SYK: variants seen among roughly 807,000 people sequenced by gnomAD.
The protein encoded by SYK is tyrosine-protein kinase SYK.
In SYK, 16 loss-of-function variants were observed where a neutral mutation model predicts 77.8. That is an observed-to-expected ratio of 0.21 (90% CI 0.14 to 0.31). The LOEUF is 0.31. Among genes scored for constraint, SYK ranks in the 10% least tolerant of loss-of-function variants. The pLI is 1.00. For missense variants in SYK, 529 were observed against 814.4 expected, an observed-to-expected ratio of 0.65 and a Z score of 4.26; for synonymous variants, 312 against 308.7, an observed-to-expected ratio of 1.01 and a Z score of -0.11.
intron 3 of SYK, among the ~76,000 whole-genome samples, chr9:90,851,564 G>C (rs932090976): frequency 6.6e-6 from 1 of 152,102 alleles, no homozygotes; most frequent in African/African-American, 2.4e-5. Context: ...GAGCACTGGA[G>C]GGGGAGTCCT....
intron 5 of SYK, 69 bp downstream of exon 5, chr9:90,864,736 A>G: frequency 7.2e-7 from 1 of 1,396,312 alleles, no homozygotes; most frequent in Non-Finnish European, 1.0e-6. Flanking sequence ...TTTTAGACTT[A>G]GCTGATTGCA....
chr9:90,848,764 T>C (rs1826695748), intron 3 of SYK, among the ~76,000 whole-genome samples: 1 of 152,260 alleles, frequency 6.6e-6, no homozygotes, highest in Non-Finnish European at 1.5e-5. Context: ...AGCAAGCACC[T>C]GCCCTCATGG....
chr9:90,877,658 C>T lies in SYK; in HGVS notation c.1269C>T (p.Val423=), dbSNP rs200930117. The T allele has an allele frequency of 8.7e-6, 14 of 1,614,238 alleles. No homozygotes were observed. The highest frequency in any genetic ancestry group is 1.2e-5 in the Non-Finnish European group (14 of 1,180,046). ...ATGAGTTATTAGCAGAAGCAAATGT[C>T]ATGCAGCAGCTGGACAACCCGTACA... ...LKDELLAEAN[V]MQQLDNPYIV... is the part of the protein sequence containing the mutation. Residue 423 remains valine (V), a synonymous_variant, in exon 10 of 14, where the codon GTC becomes GTT. Transcript: ENST00000375754.
chr9:90,873,861 A>G (rs918239829), intron 7 of SYK, among the ~76,000 whole-genome samples: 1 of 152,228 alleles, frequency 6.6e-6, no homozygotes, highest in Non-Finnish European at 1.5e-5. Flanking sequence ...GAACATGCAA[A>G]TCATCAGCGA....
chr9:90,828,783 T>A (rs1381072966), intron 1 of SYK, among the ~76,000 whole-genome samples: 2 of 152,146 alleles, frequency 1.3e-5, no homozygotes, highest in Non-Finnish European at 2.9e-5. Context: ...TGCAGAGATG[T>A]CTCCCAGGTT....
intron 1 of SYK, among the ~76,000 whole-genome samples, chr9:90,834,028 T>C (rs1350068634): frequency 1.3e-5 from 2 of 152,186 alleles, no homozygotes; most frequent in Admixed American, 1.3e-4. Context: ...CCGTTCTAGA[T>C]TTAACTCCTC....
In SYK at chr9:90,823,277, T is replaced by C. The variant is rs745365406; in HGVS notation, c.-41-20581T>C. ...TATGCAAGACAAACACTGGTAAGACTGAAAGGAGAAGTAGACAAATCCTGT... is the reference window on the plus strand; with the variant it reads ...TATGCAAGACAAACACTGGTAAGACCGAAAGGAGAAGTAGACAAATCCTGT... On this transcript the variant is annotated intron_variant, in intron 1 of 13. Coordinates refer to ENST00000375754, the MANE Select transcript of SYK (RefSeq NM_003177.7). Among the ~76,000 whole-genome samples, 80 of 152,324 alleles carry C rather than the reference T, an allele frequency of 5.3e-4. 2 individuals are homozygous for C. The Middle Eastern group carries it at 0.017, about 32-fold the overall frequency.
At chr9:90,822,039 G>T (rs948511792) in intron 1 of SYK, among the ~76,000 whole-genome samples, 10 of 151,956 alleles carry the variant, frequency 6.6e-5, no homozygotes, top group African/African-American at 2.4e-4. Context: ...TATGGTGACG[G>T]CAGGCTCTCA....
At chr9:90,833,754 C>A (rs564918308) in intron 1 of SYK, among the ~76,000 whole-genome samples, 9 of 152,294 alleles carry the variant, frequency 5.9e-5, no homozygotes, top group Admixed American at 4.6e-4. Context: ...CAACTAAATG[C>A]ATTTTAAAGG....
intron 1 of SYK, among the ~76,000 whole-genome samples, chr9:90,840,924 C>T (rs1826285887): frequency 6.6e-6 from 1 of 152,222 alleles, no homozygotes. Context: ...CAGGCTGATG[C>T]TCTTACATTT....
chr9:90,851,034 C>T (rs537135297), intron 3 of SYK, among the ~76,000 whole-genome samples: 1 of 152,288 alleles, frequency 6.6e-6, no homozygotes, highest in East Asian at 1.9e-4. Flanking sequence ...TACACCTGAG[C>T]TAGAGGGCAT....
At chr9:90,821,796 T>C (rs1825528027) in intron 1 of SYK, among the ~76,000 whole-genome samples, 1 of 152,222 alleles carries the variant, frequency 6.6e-6, no homozygotes, top group Non-Finnish European at 1.5e-5. Flanking sequence ...GTGGTGACTT[T>C]GCTGTTTAGA....
At chr9:90,809,059 A>G (rs3789889) in intron 1 of SYK, among the ~76,000 whole-genome samples, 54,166 of 152,136 alleles carry the variant, frequency 0.36, 9,795 homozygotes, top group Middle Eastern at 0.5. Context: ...CTTTTGGTTA[A>G]CAACACCAAT....
intron 13 of SYK, among the ~76,000 whole-genome samples, chr9:90,891,338 G>A (rs1453400514): frequency 1.3e-5 from 2 of 151,860 alleles, no homozygotes; most frequent in Admixed American, 6.6e-5. Flanking sequence ...TAGTGGAGAC[G>A]GGGTTTCACC....
intron 11 of SYK, among the ~76,000 whole-genome samples, chr9:90,885,050 A>G (rs74465748): frequency 6.6e-6 from 1 of 151,104 alleles, no homozygotes; most frequent in African/African-American, 2.4e-5. Context: ...AAGCAATTTC[A>G]AAAAACTGGA....
At chr9:90,891,322 AT>A (rs1828784633) in intron 13 of SYK, among the ~76,000 whole-genome samples, 1 of 150,904 alleles carries the variant, frequency 6.6e-6, no homozygotes, top group Non-Finnish European at 1.5e-5. Flanking sequence ...ATTTTTTTGT[AT>A]TTTTTAGTGG....
intron 3 of SYK, among the ~76,000 whole-genome samples, chr9:90,854,132 G>A (rs1007204433): frequency 2.0e-5 from 3 of 152,148 alleles, no homozygotes; most frequent in African/African-American, 7.2e-5. Flanking sequence ...ATGGATGGTG[G>A]CAGAGTTTTC....
At chr9:90,820,642 A>G (rs755979888) in intron 1 of SYK, among the ~76,000 whole-genome samples, 7 of 151,744 alleles carry the variant, frequency 4.6e-5, no homozygotes, top group Non-Finnish European at 7.4e-5. Flanking sequence ...AGGCCACGAA[A>G]CCACTTTTTC....
intron 1 of SYK, among the ~76,000 whole-genome samples, chr9:90,832,414 C>CT (rs1399715780): frequency 6.6e-6 from 1 of 152,244 alleles, no homozygotes; most frequent in Non-Finnish European, 1.5e-5. Context: ...CCCATAATCT[C>CT]TAAGTGCCAG....
Sources: allele counts gnomAD v4.1 joint callset (sites outside exome capture counted in the v4.1 genomes callset), GRCh38; gene constraint gnomAD v4.1.1; transcripts MANE v1.5; gene names NCBI Gene and HGNC (gene_info 2026-07-23, HGNC 2026-07-21).